Variants in BOLL observed in about 807,000 individuals in gnomAD.
The protein encoded by BOLL is protein boule-like.
A neutral mutation model predicts 44.4 loss-of-function variants in BOLL; 23 were observed. The ratio of observed to expected loss-of-function variants is 0.52; its 90% CI spans 0.37 to 0.73. BOLL has a LOEUF of 0.73. Among genes scored for constraint, BOLL ranks in the 30% least tolerant of loss-of-function variants. The pLI is 0.00. For synonymous variants in BOLL, 97 were observed against 110.8 expected (o/e 0.88, Z 0.78); for missense variants, 287 against 338.3 (o/e 0.85, Z 1.19).
At chr2:197,737,755 C>T (rs1468078621) in intron 10 of BOLL, among the ~76,000 whole-genome samples, 2 of 152,102 alleles carry the variant, frequency 1.3e-5, no homozygotes, top group Non-Finnish European at 2.9e-5. Flanking sequence ...TAAGTGCACG[C>T]TCTGGGCCTC....
At chr2:197,785,500 C>T (rs1460320519), upstream of BOLL, 2 of 605,694 alleles carry the variant, frequency 3.3e-6, no homozygotes, top group South Asian at 4.9e-5. This position sits in a 1 kb window ranked among gnomAD's most constrained non-coding sequence, Gnocchi z 6.7. Flanking sequence ...CCGCCTGGGC[C>T]ACAGGCGGGC....
In BOLL at chr2:197,728,428, G is replaced by T; in HGVS notation, c.*127C>A. On this transcript the variant is annotated 3_prime_UTR_variant, in exon 11 of 11. Coordinates refer to ENST00000392296, the MANE Select transcript of BOLL (RefSeq NM_033030.6). Reference sequence around the variant, plus strand: ...TTATAGTGGAATAACTGAGTATGGTGAGGTATTAACTAACACTAAGTTTCA... The same window carrying T: ...TTATAGTGGAATAACTGAGTATGGTTAGGTATTAACTAACACTAAGTTTCA... 2 of 1,398,318 alleles carry T rather than the reference G, an allele frequency of 1.4e-6. No individual in the cohort carries two copies. The highest frequency in any genetic ancestry group is 2.4e-5 in the South Asian group (2 of 83,322). 86.6% of individuals were successfully genotyped at this position (1,398,318 alleles called of 1,614,324 possible). A position where few individuals can be genotyped will look rare whatever the true frequency, so the allele number is the denominator to read the frequency against.
intron 10 of BOLL, among the ~76,000 whole-genome samples, chr2:197,732,563 A>G (rs1251648273): frequency 2.0e-5 from 3 of 150,818 alleles, no homozygotes; most frequent in African/African-American, 7.3e-5. Flanking sequence ...AATCCTCAAT[A>G]AAATACTGGC....
intron 9 of BOLL, among the ~76,000 whole-genome samples, chr2:197,750,293 A>T (rs1065954): frequency 0.49 from 75,220 of 152,026 alleles, 19,270 homozygotes; most frequent in African/African-American, 0.6. Flanking sequence ...TTCACACATA[A>T]CAATATTAAC....
Position 197,754,167 on chromosome 2 carries a change from A to G in BOLL, c.729+2261T>C, listed in dbSNP as rs758753645. On this transcript the variant is annotated intron_variant, in intron 9 of 10. Transcript: ENST00000392296. Reference sequence around the variant, plus strand: ...CGGGGGCACGGGGAGGGATAGCATTAGGAGAAATACCTAATGTAGATGATG... The same window carrying G: ...CGGGGGCACGGGGAGGGATAGCATTGGGAGAAATACCTAATGTAGATGATG... Among the ~76,000 whole-genome samples, 48 of 152,180 alleles carry G rather than the reference A, an allele frequency of 3.2e-4. 1 individual carries two copies. The highest frequency in any genetic ancestry group is 3.3e-4 in the Admixed American group (5 of 15,268).
intron 9 of BOLL, 53 bp downstream of exon 9, chr2:197,756,371 GAAAT>G: frequency 7.1e-7 from 1 of 1,414,858 alleles, no homozygotes; most frequent in Non-Finnish European, 9.4e-7. Context: ...AAGAGAAAAA[GAAAT>G]AAATGTTAAC....
At chr2:197,761,119 G>A (rs1688737481) in intron 7 of BOLL, among the ~76,000 whole-genome samples, 24 of 152,068 alleles carry the variant, frequency 1.6e-4, no homozygotes, top group Admixed American at 1.6e-3. Flanking sequence ...CCAGGAATTT[G>A]AGACCAGCCT....
chr2:197,771,232 C>A (rs898767361), intron 6 of BOLL, among the ~76,000 whole-genome samples: 8 of 151,482 alleles, frequency 5.3e-5, no homozygotes, highest in African/African-American at 1.9e-4. Context: ...TCATTCTGAG[C>A]AAGCTATTGC....
intron 9 of BOLL, among the ~76,000 whole-genome samples, chr2:197,754,111 G>A (rs1338816867): frequency 6.6e-6 from 1 of 152,046 alleles, no homozygotes; most frequent in Non-Finnish European, 1.5e-5. Flanking sequence ...ATAGGGAGGG[G>A]AATATCACAC....
chr2:197,785,607 G>T (rs1284131605), upstream of BOLL, among the ~76,000 whole-genome samples: 1 of 152,204 alleles, frequency 6.6e-6, no homozygotes, highest in Non-Finnish European at 1.5e-5. This position sits in a 1 kb window ranked among gnomAD's most constrained non-coding sequence, Gnocchi z 6.7. Flanking sequence ...CGGCTGGGTC[G>T]AGTTCGGCCG....
intron 5 of BOLL, among the ~76,000 whole-genome samples, chr2:197,772,768 T>C (rs1335035237): frequency 1.3e-5 from 2 of 152,008 alleles, no homozygotes; most frequent in Non-Finnish European, 2.9e-5. Flanking sequence ...ATTAGCCAAA[T>C]TAGATTAGGT....
At chr2:197,738,005 C>A (rs992483451) in intron 10 of BOLL, among the ~76,000 whole-genome samples, 5 of 152,026 alleles carry the variant, frequency 3.3e-5, no homozygotes, top group African/African-American at 4.8e-5. Context: ...CATATAAGAA[C>A]AATTTTATTA....
intron 10 of BOLL, among the ~76,000 whole-genome samples, chr2:197,734,453 C>G (rs1334516860): frequency 1.3e-5 from 2 of 152,118 alleles, no homozygotes; most frequent in South Asian, 2.1e-4. Context: ...CCCAGCCATC[C>G]CATTACTGGG....
chr2:197,768,977 A>T (rs1181810529), intron 6 of BOLL, among the ~76,000 whole-genome samples: 1 of 151,332 alleles, frequency 6.6e-6, no homozygotes, highest in Non-Finnish European at 1.5e-5. Context: ...TTGATTCGTG[A>T]TGTTGAACCA....
intron 9 of BOLL, among the ~76,000 whole-genome samples, chr2:197,751,305 A>G (rs1165858981): frequency 6.6e-6 from 1 of 152,156 alleles, no homozygotes; most frequent in African/African-American, 2.4e-5. Context: ...TTAGAGCAGA[A>G]CTGAGGGAGA....
chr2:197,731,807 T>G (rs1368681194), intron 10 of BOLL, among the ~76,000 whole-genome samples: 2 of 150,908 alleles, frequency 1.3e-5, no homozygotes, highest in African/African-American at 4.9e-5. Flanking sequence ...TGGGACGCAT[T>G]CAAAGCAGTG....
At chr2:197,736,516 T>C (rs1247519036) in intron 10 of BOLL, among the ~76,000 whole-genome samples, 1 of 152,112 alleles carries the variant, frequency 6.6e-6, no homozygotes. Flanking sequence ...TTGCTAATTG[T>C]TTCAATTATA....
upstream of BOLL, chr2:197,786,034 A>G: frequency 2.5e-6 from 4 of 1,607,868 alleles, no homozygotes; most frequent in Non-Finnish European, 3.4e-6. The surrounding 1 kb of genome is among the most constrained non-coding windows in gnomAD (Gnocchi z 5.9). Context: ...GACGCGGGGT[A>G]GGGAAAAGAA....
intron 1 of BOLL, among the ~76,000 whole-genome samples, chr2:197,784,423 T>TTTGAG: frequency 5.5e-5 from 6 of 109,284 alleles, no homozygotes; most frequent in East Asian, 2.4e-4. Context: ...TATATATATA[T>TTTGAG]ATATATATAT....
Sources: gnomAD v4.1 joint callset for allele counts (sites outside exome capture counted in the v4.1 genomes callset) on GRCh38, gnomAD v4.1.1 for gene constraint, Gnocchi (gnomAD v3.1) non-coding constraint, MANE v1.5 for transcripts, NCBI Gene and HGNC (gene_info 2026-07-23, HGNC 2026-07-21) for gene names.